Variants in ETV6 observed in about 807,000 individuals in gnomAD.
The protein encoded by ETV6 is transcription factor ETV6.
ETV6 carries 16 observed loss-of-function variants against 51.1 expected under a neutral mutation model. The ratio of observed to expected loss-of-function variants is 0.31; its 90% CI spans 0.21 to 0.48. ETV6 has a LOEUF of 0.48. Ranked by LOEUF, ETV6 falls within the 20% of genes least tolerant of loss-of-function variation. ETV6 has a pLI of 0.99. For missense variants in ETV6, 458 were observed against 594.8 expected (o/e 0.77, Z 2.39); for synonymous variants, 240 against 224.1 (o/e 1.07, Z -0.64).
At chr12:11,796,559 G>A (rs576901557) in intron 2 of ETV6, among the ~76,000 whole-genome samples, 1 of 152,118 alleles carries the variant, frequency 6.6e-6, no homozygotes, top group Non-Finnish European at 1.5e-5. Context: ...GTGTTTAGGG[G>A]CATTAAAGAC....
chr12:11,679,565 A>G (rs1864487149), intron 1 of ETV6, among the ~76,000 whole-genome samples: 1 of 152,244 alleles, frequency 6.6e-6, no homozygotes, highest in African/African-American at 2.4e-5. Flanking sequence ...TGGGTTTGCC[A>G]CAAAGCATGT....
intron 1 of ETV6, among the ~76,000 whole-genome samples, chr12:11,727,882 C>T (rs538751588): frequency 3.3e-5 from 5 of 152,028 alleles, no homozygotes; most frequent in Admixed American, 6.5e-5. Context: ...TGCAGTGGTG[C>T]GATCTCAGCT....
In ETV6 at chr12:11,873,883, AG is replaced by A. The variant is rs1413137137; in HGVS notation, c.1009+3915del. ...AGGTCAGAGTAGGGATGTCAGGGCA[AG>A]CTACATGGAGGGCTGGCTTTTAGCT... On this transcript the variant is annotated intron_variant, in intron 5 of 7. Transcript: ENST00000396373. Among the ~76,000 whole-genome samples the A allele has an allele frequency of 1.8e-5, 2 of 112,088 alleles. 1 individual carries two copies. The highest frequency in any genetic ancestry group is 3.6e-5 in the Non-Finnish European group (2 of 55,182). The allele number at this position is 112,088 out of a possible 152,430, so 73.5% of individuals were successfully genotyped here. A position where few individuals can be genotyped will look rare whatever the true frequency, so the allele number is the denominator to read the frequency against.
chr12:11,863,607 C>T (rs1946747535), intron 4 of ETV6, among the ~76,000 whole-genome samples: 3 of 152,156 alleles, frequency 2.0e-5, no homozygotes, highest in Admixed American at 2.0e-4. Flanking sequence ...GGCAGCTCAC[C>T]AAGAACAAAC....
At chr12:11,849,947 A>G (rs985312940) in intron 3 of ETV6, among the ~76,000 whole-genome samples, 1 of 152,198 alleles carries the variant, frequency 6.6e-6, no homozygotes, top group Non-Finnish European at 1.5e-5. Flanking sequence ...TTGCTGAGCC[A>G]GCCGCATTCC....
At chr12:11,716,319 A>G (rs1865276690) in intron 1 of ETV6, among the ~76,000 whole-genome samples, 1 of 126,980 alleles carries the variant, frequency 7.9e-6, no homozygotes, top group South Asian at 2.9e-4. Flanking sequence ...CGACAGAGCA[A>G]GACTCCTTCT....
intron 1 of ETV6, among the ~76,000 whole-genome samples, chr12:11,732,030 G>A (rs1368002474): frequency 6.6e-6 from 1 of 152,170 alleles, no homozygotes; most frequent in Non-Finnish European, 1.5e-5. Context: ...AGTTCAGGTA[G>A]CTCTGCATAA....
intron 1 of ETV6, among the ~76,000 whole-genome samples, chr12:11,683,759 G>A (rs1864576678): frequency 6.6e-6 from 1 of 152,182 alleles, no homozygotes. Context: ...TCACCAGGCT[G>A]TAAACTCAGA....
intron 1 of ETV6, among the ~76,000 whole-genome samples, chr12:11,721,023 G>A (rs1469889548): frequency 2.0e-5 from 3 of 152,122 alleles, no homozygotes; most frequent in Non-Finnish European, 4.4e-5. Context: ...ACGAGATACT[G>A]TCTCACACCA....
chr12:11,837,350 T>A (rs1340858361), intron 2 of ETV6, among the ~76,000 whole-genome samples: 1 of 151,726 alleles, frequency 6.6e-6, no homozygotes, highest in African/African-American at 2.4e-5. Context: ...TCATCTCTAA[T>A]GATTTCCAGT....
At chr12:11,871,043 G>C (rs1470281975) in intron 5 of ETV6, among the ~76,000 whole-genome samples, 1 of 152,042 alleles carries the variant, frequency 6.6e-6, no homozygotes, top group Non-Finnish European at 1.5e-5. Context: ...AGGAGAGAAC[G>C]GACCTGTTCA....
At chr12:11,711,979 T>C (rs1317963754) in intron 1 of ETV6, among the ~76,000 whole-genome samples, 1 of 152,226 alleles carries the variant, frequency 6.6e-6, no homozygotes, top group African/African-American at 2.4e-5. Context: ...GCCTTTTTTC[T>C]GTGTTTTTTA....
chr12:11,721,785 G>A (rs2856323), intron 1 of ETV6, among the ~76,000 whole-genome samples: 150,807 of 152,382 alleles, frequency 0.99, 74,638 homozygotes, highest in Middle Eastern at 1. Flanking sequence ...CTGGCACCCT[G>A]GCATATAATA....
At chr12:11,738,219 T>A (rs1865741207) in intron 1 of ETV6, among the ~76,000 whole-genome samples, 1 of 139,986 alleles carries the variant, frequency 7.1e-6, no homozygotes, top group African/African-American at 2.5e-5. Context: ...CTTCCTTCCT[T>A]CCTTCCCTCC....
intron 2 of ETV6, among the ~76,000 whole-genome samples, chr12:11,784,445 C>T (rs1397496006): frequency 3.5e-5 from 4 of 115,460 alleles, no homozygotes; most frequent in East Asian, 2.5e-4. Flanking sequence ...GGTGACACAG[C>T]GAGACTCCAT....
chr12:11,857,988 C>G (rs914150993), intron 4 of ETV6, among the ~76,000 whole-genome samples: 2 of 152,210 alleles, frequency 1.3e-5, no homozygotes, highest in African/African-American at 2.4e-5. Flanking sequence ...ATAGCAGTGT[C>G]CTGCCTGGTG....
rs555526896 is a variant in ETV6, at chr12:11,830,406, C to A, written c.164-8734C>A. Among the ~76,000 whole-genome samples the A allele has an allele frequency of 2.0e-5, 3 of 152,314 alleles. No individual in the cohort carries two copies. The East Asian group carries it at 5.8e-4, about 29-fold the overall frequency. The stretch of plus-strand genomic sequence containing the variant: ...GTTTTGGTCTTAGGTTCATTGTGAC[C>A]TTGGGAAAGTCCCTCGATTTCTGAA... On this transcript the variant is annotated intron_variant, in intron 2 of 7. Coordinates refer to ENST00000396373, the MANE Select transcript of ETV6 (RefSeq NM_001987.5).
chr12:11,802,991 C>G (rs1463613752), intron 2 of ETV6, among the ~76,000 whole-genome samples: 1 of 152,226 alleles, frequency 6.6e-6, no homozygotes, highest in Non-Finnish European at 1.5e-5. Context: ...GCTGCCACAT[C>G]AAGAACGTCT....
chr12:11,688,076 C>T (rs535172344), intron 1 of ETV6, among the ~76,000 whole-genome samples: 61 of 150,642 alleles, frequency 4.0e-4, no homozygotes, highest in Non-Finnish European at 7.7e-4. Context: ...GGGTCCCACA[C>T]CAGGGAAATG....
Sources: allele counts gnomAD v4.1 joint callset (sites outside exome capture counted in the v4.1 genomes callset), GRCh38; gene constraint gnomAD v4.1.1; transcripts MANE v1.5; gene names NCBI Gene and HGNC (gene_info 2026-07-23, HGNC 2026-07-21).